The following KIF13A variants were observed in gnomAD, a reference collection of about 807,000 sequenced individuals.
KIF13A encodes kinesin-like protein KIF13A.
A neutral mutation model predicts 212.2 loss-of-function variants in KIF13A; 79 were observed. The observed-to-expected ratio is 0.37, with a 90% CI of 0.31 to 0.45. The LOEUF (loss-of-function observed/expected upper bound fraction) is 0.45, where lower values mean the gene tolerates loss of function less well. Ranked by LOEUF, KIF13A falls within the 20% of genes least tolerant of loss-of-function variation. The probability of loss-of-function intolerance (pLI) is 1.00; values close to 1 mark genes in which losing one functional copy is unlikely to be tolerated. For missense variants in KIF13A, 1,901 were observed against 2,209.0 expected (o/e 0.86, Z 2.79); for synonymous variants, 789 against 808.6 (o/e 0.98, Z 0.41).
intron 18 of KIF13A, 129 bp downstream of exon 18, chr6:17,808,639 G>T: frequency 4.9e-6 from 4 of 817,498 alleles, no homozygotes; most frequent in Admixed American, 3.3e-5. Context: ...AGAATGTCTT[G>T]AAAAAAATAA....
Position 17,987,273 on chromosome 6 carries a change from C to A in KIF13A, c.56-129G>T, listed in dbSNP as rs1781658942. On this transcript the variant is annotated intron_variant, in intron 1 of 38. Coordinates refer to ENST00000259711, the MANE Select transcript of KIF13A (RefSeq NM_022113.6). This position sits in a 1 kb window ranked among gnomAD's most constrained non-coding sequence, Gnocchi z 7.7. ...AGCCTGGAGACGGCGCCCCGGGCAC[C>A]ACGGCCAGCGCGGACGCCGCCTCCG... 12 of 860,394 alleles carry A rather than the reference C, an allele frequency of 1.4e-5. No individual in the cohort carries two copies. In the South Asian group the frequency reaches 4.4e-4, roughly 32 times the overall value. 53.3% of individuals were successfully genotyped at this position (860,394 alleles called of 1,614,324 possible). A position where few individuals can be genotyped will look rare whatever the true frequency, so the allele number is the denominator to read the frequency against.
chr6:17,977,085 G>C (rs1025465909), intron 2 of KIF13A, among the ~76,000 whole-genome samples: 17 of 137,170 alleles, frequency 1.2e-4, no homozygotes, highest in Admixed American at 8.9e-4. Flanking sequence ...CTGGGAAACA[G>C]AGCGAGACTC....
intron 4 of KIF13A, among the ~76,000 whole-genome samples, chr6:17,864,931 T>C (rs575237988): frequency 1.4e-4 from 21 of 152,248 alleles, no homozygotes; most frequent in Non-Finnish European, 2.5e-4. Flanking sequence ...TCTCTTTCTA[T>C]AGCAAGAAAG....
At chr6:17,909,669 C>T (rs2150501853) in intron 2 of KIF13A, among the ~76,000 whole-genome samples, 1 of 151,544 alleles carries the variant, frequency 6.6e-6, no homozygotes, top group Admixed American at 6.6e-5. Context: ...CCAAGGCAGG[C>T]AGATCACTTA....
Position 17,819,156 on chromosome 6 carries a change from C to T in KIF13A, c.1787-1923G>A, listed in dbSNP as rs138546019. On this transcript the variant is annotated intron_variant, in intron 16 of 38. Coordinates refer to ENST00000259711, the MANE Select transcript of KIF13A (RefSeq NM_022113.6). ...CTGGGACTACAGGTGCCCACCACCA[C>T]GCCAGGCTAATTTTTTGTATTTTTA... 6.2e-3 allele frequency among the ~76,000 whole-genome samples: 945 copies of T among 151,934 alleles called. 8 individuals carry two copies. Among genetic ancestry groups the T allele is most frequent in the African/African-American group, 0.021 (890 of 41,464 alleles).
Position 17,777,220 on chromosome 6 carries a change from C to T in KIF13A, c.4170+57G>A. The T allele has an allele frequency of 1.4e-6, 2 of 1,395,520 alleles. No individual in the cohort carries two copies. The highest frequency in any genetic ancestry group is 2.4e-5 in the East Asian group (1 of 42,120). The allele number at this position is 1,395,520 out of a possible 1,614,324, so 86.4% of individuals were successfully genotyped here. A position where few individuals can be genotyped will look rare whatever the true frequency, so the allele number is the denominator to read the frequency against. ...CCACTGTGTGAATCCCACCTTCCCC[C>T]ACCCCAGAGGCTGCGACATGTCACA... On this transcript the variant is annotated intron_variant, in intron 34 of 38. Transcript: ENST00000259711. This position sits in a 1 kb window ranked among gnomAD's most constrained non-coding sequence, Gnocchi z 4.4.
chr6:17,985,096 T>A (rs915284017), intron 2 of KIF13A, among the ~76,000 whole-genome samples: 1 of 152,248 alleles, frequency 6.6e-6, no homozygotes, highest in Admixed American at 6.5e-5. Flanking sequence ...TGTTGACTAC[T>A]CAGTTTGTCT....
chr6:17,959,796 G>A (rs573940819), intron 2 of KIF13A, among the ~76,000 whole-genome samples: 3 of 152,306 alleles, frequency 2.0e-5, no homozygotes, highest in Admixed American at 6.5e-5. Flanking sequence ...GGCCGAGGCC[G>A]GCGGATCACC....
rs780449304 is a variant in KIF13A, at chr6:17,836,940, T to C, written c.1093A>G (p.Lys365Glu). ...TCCTCCCGCAGTTCTCGGATCACTT[T>C]TGCGTTGGGGTCCTCATTCACAACA... ...HAVVNEDPNAKVIRELREEVE... is the reference protein window; with the variant it reads ...HAVVNEDPNAEVIRELREEVE... Residue 365 changes from lysine (K) to glutamate (E), a missense_variant, in exon 11 of 39, where the codon AAA becomes GAA. Lys to Glu is a moderately conservative substitution (Grantham distance 56). Transcript: ENST00000259711. The C allele has an allele frequency of 1.2e-6, 2 of 1,613,958 alleles. No homozygotes were observed. The highest frequency in any genetic ancestry group is 1.7e-6 in the Non-Finnish European group (2 of 1,179,886).
intron 38 of KIF13A, among the ~76,000 whole-genome samples, chr6:17,766,563 A>T (rs546714936): frequency 1.3e-5 from 2 of 151,784 alleles, no homozygotes; most frequent in East Asian, 1.9e-4. Flanking sequence ...TTATTTATTT[A>T]TTTTTTTACA....
At chr6:17,833,813 G>T (rs4712314) in intron 12 of KIF13A, 148 bp downstream of exon 12, 205,838 of 469,534 alleles carry the variant, frequency 0.44, 47,267 homozygotes, top group South Asian at 0.51. Context: ...TCGAGATCAC[G>T]CCACTGCACC....
At chr6:17,807,297 T>A (rs932081888) in intron 18 of KIF13A, among the ~76,000 whole-genome samples, 1 of 152,146 alleles carries the variant, frequency 6.6e-6, no homozygotes, top group African/African-American at 2.4e-5. Flanking sequence ...AGGAGATATA[T>A]TGCTAAATTC....
In KIF13A at chr6:17,951,038, C is replaced by G; in HGVS notation, c.146+36016G>C. ...GACTAAATATATGGGCTATCACAAA[C>G]CCACTTTAGTAGTACACCTAAGGAC... On this transcript the variant is annotated intron_variant, in intron 2 of 38. Coordinates refer to ENST00000259711, the MANE Select transcript of KIF13A (RefSeq NM_022113.6). The surrounding 1 kb of genome is among the most constrained non-coding windows in gnomAD (Gnocchi z 4.9). 9.7e-7 allele frequency: 1 copy of G among 1,027,430 alleles called. No homozygotes were observed. Among genetic ancestry groups the G allele is most frequent in the South Asian group, 4.6e-5 (1 of 21,634 alleles). 63.6% of individuals were successfully genotyped at this position (1,027,430 alleles called of 1,614,324 possible). A position where few individuals can be genotyped will look rare whatever the true frequency, so the allele number is the denominator to read the frequency against.
At chr6:17,952,953 CGAAGA>C (rs1778008053) in intron 2 of KIF13A, among the ~76,000 whole-genome samples, 2 of 149,454 alleles carry the variant, frequency 1.3e-5, no homozygotes, top group African/African-American at 4.9e-5. Context: ...AGAAGCGAAG[CGAAGA>C]GGGGAAGAGA....
rs995430588 is a variant in KIF13A, at chr6:17,982,158, C to T, written c.146+4896G>A. Among the ~76,000 whole-genome samples, 1 of 151,564 alleles carries T rather than the reference C, an allele frequency of 6.6e-6. No individual in the cohort carries two copies. The highest frequency in any genetic ancestry group is 1.9e-4 in the East Asian group (1 of 5,158). Reference sequence around the variant, plus strand: ...TTGCTCAGGCTAGAGTGCAATGGCTCGATCTCAGCTCACCGCAACCTCGGC... The same window carrying T: ...TTGCTCAGGCTAGAGTGCAATGGCTTGATCTCAGCTCACCGCAACCTCGGC... On this transcript the variant is annotated intron_variant, in intron 2 of 38. Transcript: ENST00000259711. This position sits in a 1 kb window ranked among gnomAD's most constrained non-coding sequence, Gnocchi z 5.1.
intron 2 of KIF13A, among the ~76,000 whole-genome samples, chr6:17,942,699 C>G (rs370168871): frequency 4.5e-4 from 68 of 152,146 alleles, no homozygotes; most frequent in African/African-American, 1.6e-3. Flanking sequence ...TAGATTAGGC[C>G]GGGCGCAGTG....
chr6:17,863,299 A>C (rs1769013521), intron 4 of KIF13A, among the ~76,000 whole-genome samples: 1 of 151,810 alleles, frequency 6.6e-6, no homozygotes, highest in South Asian at 2.1e-4. Flanking sequence ...GGACATGATG[A>C]GATGAAGGAA....
intron 2 of KIF13A, among the ~76,000 whole-genome samples, chr6:17,944,197 T>C (rs919111771): frequency 6.6e-6 from 1 of 152,178 alleles, no homozygotes; most frequent in Non-Finnish European, 1.5e-5. Context: ...ACAAAGTAAT[T>C]TGTGATTCAA....
At chr6:17,964,813 T>C (rs1779150057) in intron 2 of KIF13A, among the ~76,000 whole-genome samples, 1 of 150,846 alleles carries the variant, frequency 6.6e-6, no homozygotes, top group African/African-American at 2.5e-5. Flanking sequence ...TCTGAAAGTT[T>C]TGTGGTTTTC....
Sources: allele counts gnomAD v4.1 joint callset (sites outside exome capture counted in the v4.1 genomes callset), GRCh38; gene constraint gnomAD v4.1.1; non-coding constraint Gnocchi (gnomAD v3.1); transcripts MANE v1.5; gene names NCBI Gene and HGNC (gene_info 2026-07-23, HGNC 2026-07-21).